The following BRAF variants were observed in gnomAD, a reference collection of about 807,000 sequenced individuals.
The protein encoded by BRAF is B-Raf proto-oncogene, serine/threonine kinase.
BRAF carries 16 observed loss-of-function variants against 104.6 expected under a neutral mutation model. The observed-to-expected ratio is 0.15, with a 90% CI of 0.10 to 0.23. The LOEUF (loss-of-function observed/expected upper bound fraction) is 0.23. Ranked by LOEUF, BRAF falls within the 10% of genes least tolerant of loss-of-function variation. The pLI, the probability that BRAF is intolerant of heterozygous loss-of-function variation, is 1.00. For missense variants in BRAF, 541 were observed against 937.3 expected (o/e 0.58, Z 5.52); for synonymous variants, 310 against 341.6 (o/e 0.91, Z 1.02).
chr7:140,732,000 T>C (rs2130855712), intron 19 of BRAF: 1 of 147,862 alleles, frequency 6.8e-6, no homozygotes, highest in Middle Eastern at 3.5e-3. Context: ...TGAAACCCCG[T>C]CTCTACTAAA....
intron 3 of BRAF, among the ~76,000 whole-genome samples, chr7:140,829,765 T>G (rs990904714): frequency 1.3e-5 from 2 of 152,220 alleles, no homozygotes; most frequent in Non-Finnish European, 2.9e-5. Context: ...ATACAGCAAG[T>G]ATCCAGGTCA....
intron 1 of BRAF, among the ~76,000 whole-genome samples, chr7:140,891,525 C>T (rs1293109533): frequency 6.6e-6 from 1 of 151,578 alleles, no homozygotes; most frequent in African/African-American, 2.4e-5. Flanking sequence ...TACTGTTTTC[C>T]TAATACTTTT....
At chr7:140,745,858 T>C (rs1186824948) in intron 17 of BRAF, among the ~76,000 whole-genome samples, 1 of 152,218 alleles carries the variant, frequency 6.6e-6, no homozygotes, top group Non-Finnish European at 1.5e-5. Context: ...TTTCTTCAGA[T>C]CTTGTGCTTA....
rs2129153171 is a variant in BRAF at position 140,924,588 on chromosome 7, G to A, written c.116C>T (p.Ala39Val). ...CACCTCCTCCGGAATGGCAGGGTCC[G>A]CAGCCGAAGAGGCCGCGGCGCCGGC... is the stretch of plus-strand genomic sequence containing the variant. Reference protein sequence around the residue: ...AGAGAAASSAADPAIPEEVWN... With the variant: ...AGAGAAASSAVDPAIPEEVWN... The change falls in exon 1 of 20, where the codon GCG becomes GTG. Residue 39 changes from alanine to valine, a missense_variant. Transcript: ENST00000644969. The surrounding 1 kb of genome is among the most constrained non-coding windows in gnomAD (Gnocchi z 4.2). The A allele has an allele frequency of 6.5e-7, 1 of 1,530,666 alleles. No individual in the cohort carries two copies. Among genetic ancestry groups the A allele is most frequent in the Non-Finnish European group, 8.7e-7 (1 of 1,144,880 alleles). The allele number at this position is 1,530,666 out of a possible 1,614,324, so 94.8% of individuals were successfully genotyped here. A position where few individuals can be genotyped will look rare whatever the true frequency, so the allele number is the denominator to read the frequency against.
At chr7:140,744,440 T>C (rs1177171098) in intron 17 of BRAF, among the ~76,000 whole-genome samples, 1 of 152,244 alleles carries the variant, frequency 6.6e-6, no homozygotes. Flanking sequence ...TTTTGATCTG[T>C]ATTCTTTCAT....
intron 1 of BRAF, among the ~76,000 whole-genome samples, chr7:140,900,143 T>A (rs1815435292): frequency 6.6e-6 from 1 of 152,252 alleles, no homozygotes; most frequent in Admixed American, 6.5e-5. Context: ...AACTGCTAAG[T>A]CTTCGGTAAT....
At chr7:140,914,434 CA>C (rs900517219) in intron 1 of BRAF, among the ~76,000 whole-genome samples, 1 of 152,072 alleles carries the variant, frequency 6.6e-6, no homozygotes, top group African/African-American at 2.4e-5. Flanking sequence ...GGCAATCCTG[CA>C]AAAACTAAAG....
chr7:140,776,381 C>T (rs1269318665), intron 14 of BRAF, among the ~76,000 whole-genome samples: 2 of 152,110 alleles, frequency 1.3e-5, no homozygotes, highest in Non-Finnish European at 2.9e-5. Context: ...AAAGTCAGTT[C>T]CCCATATTAG....
Position 140,726,141 on chromosome 7 carries a change from T to C in BRAF, c.*353A>G. ...TGGTGGTTAGAAGGGCAAAGTTGAC[T>C]GGCAGACTTTCCATAGCAAATCTCC... On this transcript the variant is annotated 3_prime_UTR_variant, in exon 20 of 20. Coordinates refer to ENST00000644969, the MANE Select transcript of BRAF (RefSeq NM_001374258.1). The C allele has an allele frequency of 1.8e-6, 2 of 1,121,634 alleles. No homozygotes were observed. Among genetic ancestry groups the C allele is most frequent in the Non-Finnish European group, 2.2e-6 (2 of 916,548 alleles). 69.5% of individuals were successfully genotyped at this position (1,121,634 alleles called of 1,614,324 possible). A position where few individuals can be genotyped will look rare whatever the true frequency, so the allele number is the denominator to read the frequency against.
chr7:140,816,254 T>G (rs1804874057), intron 3 of BRAF, among the ~76,000 whole-genome samples: 1 of 152,220 alleles, frequency 6.6e-6, no homozygotes, highest in Non-Finnish European at 1.5e-5. Flanking sequence ...AAAGGTATTA[T>G]TATTATTCCT....
chr7:140,723,705 C>T lies in BRAF; in HGVS notation c.*2789G>A. ...AAATTTTTCAGAAGGCTTCACCTCTCCCTACCAAAAATAAAACACACTACA... is the reference window on the plus strand; with the variant it reads ...AAATTTTTCAGAAGGCTTCACCTCTTCCTACCAAAAATAAAACACACTACA... On this transcript the variant is annotated 3_prime_UTR_variant, in exon 20 of 20. Coordinates refer to ENST00000644969, the MANE Select transcript of BRAF (RefSeq NM_001374258.1). The T allele has an allele frequency of 9.5e-7, 1 of 1,051,870 alleles. No homozygotes were observed. Among genetic ancestry groups the T allele is most frequent in the Non-Finnish European group, 1.1e-6 (1 of 870,754 alleles). The allele number at this position is 1,051,870 out of a possible 1,614,324, so 65.2% of individuals were successfully genotyped here.
At chr7:140,885,301 C>T (rs1278332994) in intron 1 of BRAF, among the ~76,000 whole-genome samples, 4 of 152,050 alleles carry the variant, frequency 2.6e-5, no homozygotes, top group African/African-American at 9.7e-5. Flanking sequence ...CCGCACCTGG[C>T]CCCAAAGTGG....
chr7:140,763,238 T>A (rs982354751), intron 14 of BRAF, among the ~76,000 whole-genome samples: 5 of 150,526 alleles, frequency 3.3e-5, no homozygotes, highest in African/African-American at 1.2e-4. Context: ...GGCGGGGGGC[T>A]GACCCCCCAA....
Position 140,924,497 on chromosome 7 carries a change from TC to T in BRAF, c.138+68del. On this transcript the variant is annotated intron_variant, in intron 1 of 19. Coordinates refer to ENST00000644969, the MANE Select transcript of BRAF (RefSeq NM_001374258.1). The surrounding 1 kb of genome is among the most constrained non-coding windows in gnomAD (Gnocchi z 4.2). ...CATCAAGCCCCCACCGCCGCCTCTT[TC>T]CAAAATAAACACCAGCCAGCCGCCG... 6.5e-7 allele frequency: 1 copy of T among 1,528,022 alleles called. No homozygotes were observed. Among genetic ancestry groups the T allele is most frequent in the African/African-American group, 1.4e-5 (1 of 72,524 alleles). The allele number at this position is 1,528,022 out of a possible 1,614,324, so 94.7% of individuals were successfully genotyped here. A position where few individuals can be genotyped will look rare whatever the true frequency, so the allele number is the denominator to read the frequency against.
downstream of BRAF, among the ~76,000 whole-genome samples, chr7:140,716,027 T>TTC (rs1286126131): frequency 6.6e-6 from 1 of 152,156 alleles, no homozygotes; most frequent in Non-Finnish European, 1.5e-5. Context: ...GTTTAAGAAT[T>TTC]TCATATTACC....
Position 140,783,090 on chromosome 7 carries a change from G to A in BRAF, c.1365C>T (p.Ala455=), listed in dbSNP as rs745315679. The change falls in exon 11 of 20, where the codon GCC becomes GCT. Residue 455 remains alanine, a synonymous_variant. Coordinates refer to ENST00000644969, the MANE Select transcript of BRAF (RefSeq NM_001374258.1). The stretch of plus-strand genomic sequence containing the variant: ...GCTGAGGTCCTGGAGATTTCTGTAA[G>A]GCTTTCACGTTAGTTAGTGAGCCAG... ...SLPGSLTNVK[A]LQKSPGPQRE... 1.2e-6 allele frequency: 2 copies of A among 1,614,052 alleles called. No individual in the cohort carries two copies. The highest frequency in any genetic ancestry group is 1.1e-5 in the South Asian group (1 of 91,082).
intron 1 of BRAF, among the ~76,000 whole-genome samples, chr7:140,859,843 A>G (rs1039661857): frequency 1.3e-5 from 2 of 152,102 alleles, no homozygotes; most frequent in African/African-American, 4.8e-5. Flanking sequence ...GCACACCACC[A>G]TGCCCAGCTA....
chr7:140,820,713 G>A (rs1175118928), intron 3 of BRAF, among the ~76,000 whole-genome samples: 1 of 152,120 alleles, frequency 6.6e-6, no homozygotes, highest in East Asian at 1.9e-4. Context: ...GCCACAGAGG[G>A]AGGATTGCTT....
chr7:140,724,299 C>A lies in BRAF; in HGVS notation c.*2195G>T, dbSNP rs138474029. ...CACATCCTCTTGTTCAAGCCCAGGT[C>A]TCTCTACCTGCGGAAACTTGAAGCC... On this transcript the variant is annotated 3_prime_UTR_variant, in exon 20 of 20. Transcript: ENST00000644969. 5,830 of 1,057,576 alleles carry A rather than the reference C, an allele frequency of 5.5e-3. 23 individuals carry two copies. Among genetic ancestry groups the A allele is most frequent in the Non-Finnish European group, 6.3e-3 (5,511 of 874,514 alleles). 65.5% of individuals were successfully genotyped at this position (1,057,576 alleles called of 1,614,324 possible).
Sources: gnomAD v4.1 joint callset for allele counts (sites outside exome capture counted in the v4.1 genomes callset) on GRCh38, gnomAD v4.1.1 for gene constraint, Gnocchi (gnomAD v3.1) non-coding constraint, MANE v1.5 for transcripts, NCBI Gene and HGNC (gene_info 2026-07-23, HGNC 2026-07-21) for gene names.